The following DTD1 variants were observed in gnomAD, a reference collection of about 807,000 sequenced individuals.
DTD1 encodes the protein D-tyrosyl-tRNA deacylase 1 homolog.
In DTD1, 13 loss-of-function variants were observed where a neutral mutation model predicts 25.6. The observed-to-expected ratio is 0.51, with a 90% CI of 0.33 to 0.81. The LOEUF (loss-of-function observed/expected upper bound fraction) is 0.81, where lower values mean the gene tolerates loss of function less well. Among genes scored for constraint, DTD1 ranks in the 30% least tolerant of loss-of-function variants. DTD1 has a pLI of 0.02. For synonymous variants in DTD1, 110 were observed against 103.6 expected (o/e 1.06, Z -0.37); for missense variants, 193 against 266.4 (o/e 0.72, Z 1.92).
intron 5 of DTD1, among the ~76,000 whole-genome samples, chr20:18,758,642 T>C (rs903438832): frequency 6.6e-6 from 1 of 152,216 alleles, no homozygotes; most frequent in Admixed American, 6.5e-5. Context: ...AGAGACAGTT[T>C]GTTGTAATTT....
intron 4 of DTD1, among the ~76,000 whole-genome samples, chr20:18,729,756 C>T (rs2061234008): frequency 6.6e-6 from 1 of 152,230 alleles, no homozygotes; most frequent in African/African-American, 2.4e-5. Flanking sequence ...GGTACTGCCT[C>T]CCAGCCTAAG....
At chr20:18,681,394 A>G (rs1449625120) in intron 4 of DTD1, among the ~76,000 whole-genome samples, 1 of 152,248 alleles carries the variant, frequency 6.6e-6, no homozygotes, top group African/African-American at 2.4e-5. Context: ...GCAAGATGTC[A>G]TCCGCTTGAG....
chr20:18,761,208 T>C (rs542291107), intron 5 of DTD1, among the ~76,000 whole-genome samples: 1 of 152,202 alleles, frequency 6.6e-6, no homozygotes, highest in African/African-American at 2.4e-5. Context: ...CTCGCCCTGC[T>C]CGGTGTGCTG....
At chr20:18,661,494 C>T (rs1174062062) in intron 4 of DTD1, among the ~76,000 whole-genome samples, 1 of 151,780 alleles carries the variant, frequency 6.6e-6, no homozygotes, top group East Asian at 1.9e-4. Context: ...GCCTCAGCCT[C>T]CTGAGTAGCT....
chr20:18,645,125 G>C (rs1036076095), intron 4 of DTD1, among the ~76,000 whole-genome samples: 1 of 152,174 alleles, frequency 6.6e-6, no homozygotes, highest in Non-Finnish European at 1.5e-5. Flanking sequence ...ACTCCAGCTT[G>C]GGCAACAAAG....
intron 4 of DTD1, among the ~76,000 whole-genome samples, chr20:18,679,738 T>C (rs539921018): frequency 1.2e-4 from 19 of 152,324 alleles, no homozygotes; most frequent in East Asian, 5.8e-4. Context: ...TAAAGAGACA[T>C]GAATTAATAA....
chr20:18,714,017 T>A (rs1450355411), intron 4 of DTD1, among the ~76,000 whole-genome samples: 2 of 152,166 alleles, frequency 1.3e-5, no homozygotes, highest in African/African-American at 2.4e-5. Flanking sequence ...CTCCTGGAGA[T>A]GTGACCTGGA....
chr20:18,624,828 G>A (rs947415221), intron 3 of DTD1, among the ~76,000 whole-genome samples: 4 of 152,126 alleles, frequency 2.6e-5, no homozygotes, highest in African/African-American at 9.7e-5. Context: ...TTGAATTTAT[G>A]ACCTCAGGAT....
At chr20:18,627,749 A>G (rs533829407) in intron 3 of DTD1, among the ~76,000 whole-genome samples, 63 of 152,212 alleles carry the variant, frequency 4.1e-4, no homozygotes, top group Non-Finnish European at 1.5e-4. Flanking sequence ...CTCACAATTC[A>G]TATGTTTTGT....
intron 3 of DTD1, among the ~76,000 whole-genome samples, chr20:18,596,901 C>T (rs6112038): frequency 7.6e-4 from 115 of 152,086 alleles, no homozygotes; most frequent in Non-Finnish European, 1.5e-3. Context: ...ACTGATGAAC[C>T]TAAGTTCATT....
At chr20:18,646,445 T>C (rs1483351171) in intron 4 of DTD1, among the ~76,000 whole-genome samples, 1 of 152,184 alleles carries the variant, frequency 6.6e-6, no homozygotes, top group Non-Finnish European at 1.5e-5. Context: ...CAAATGATGC[T>C]GAGTGTAGTT....
At chr20:18,613,848 A>C (rs1433977311) in intron 3 of DTD1, among the ~76,000 whole-genome samples, 2 of 152,076 alleles carry the variant, frequency 1.3e-5, no homozygotes, top group African/African-American at 2.4e-5. Flanking sequence ...ACCCATGCAG[A>C]GTGTTGTTGA....
At chr20:18,610,914 A>AGCGTGGGACTGTACCTCCTCCCCTTG (rs780695761) in intron 3 of DTD1, 1 of 151,662 alleles carries the variant, frequency 6.6e-6, no homozygotes, top group African/African-American at 2.4e-5. Context: ...CCTGTCTCAA[A>AGCGTGGGACTGTACCTCCTCCCCTTG]ACAAAACAAA....
At chr20:18,595,641 C>A (rs117484954) in intron 2 of DTD1, among the ~76,000 whole-genome samples, 2 of 152,104 alleles carry the variant, frequency 1.3e-5, no homozygotes, top group Non-Finnish European at 1.5e-5. Context: ...ATGATGAATT[C>A]GTTCATGAAA....
chr20:18,616,110 T>C (rs927226043), intron 3 of DTD1, among the ~76,000 whole-genome samples: 2 of 152,242 alleles, frequency 1.3e-5, no homozygotes, highest in Admixed American at 6.5e-5. Context: ...GGATCGTGTC[T>C]TCATTGTTAA....
intron 4 of DTD1, among the ~76,000 whole-genome samples, chr20:18,739,139 C>T (rs1377608265): frequency 3.3e-5 from 5 of 152,146 alleles, no homozygotes; most frequent in African/African-American, 1.2e-4. Context: ...GCCATATTGT[C>T]TTACTCTTGG....
chr20:18,607,366 C>T (rs555081735), intron 3 of DTD1, among the ~76,000 whole-genome samples: 5 of 152,072 alleles, frequency 3.3e-5, no homozygotes, highest in East Asian at 1.9e-4. Flanking sequence ...TCACCATGTT[C>T]GCCAGGCTGG....
intron 4 of DTD1, among the ~76,000 whole-genome samples, chr20:18,666,077 C>T (rs2060930378): frequency 6.6e-6 from 1 of 152,170 alleles, no homozygotes; most frequent in Non-Finnish European, 1.5e-5. Context: ...CAGGATCTGC[C>T]ACATTGCATT....
chr20:18,601,692 A>G (rs1428314159), intron 3 of DTD1, among the ~76,000 whole-genome samples: 4 of 151,918 alleles, frequency 2.6e-5, no homozygotes, highest in Non-Finnish European at 5.9e-5. Flanking sequence ...AGGGTATTCC[A>G]ACAGACCTGC....
Sources: gnomAD v4.1 joint callset for allele counts (sites outside exome capture counted in the v4.1 genomes callset) on GRCh38, gnomAD v4.1.1 for gene constraint, MANE v1.5 for transcripts, NCBI Gene and HGNC (gene_info 2026-07-23, HGNC 2026-07-21) for gene names.